The following AGBL1 variants were observed in gnomAD, a reference collection of about 807,000 sequenced individuals.
AGBL1 encodes the protein cytosolic carboxypeptidase 4.
Under a neutral mutation model 118.9 loss-of-function variants are expected in AGBL1, and 130 were observed. The observed-to-expected ratio is 1.09, with a 90% CI of 0.95 to 1.26. The LOEUF (loss-of-function observed/expected upper bound fraction) is 1.26. AGBL1 is among the 50% of genes most tolerant of loss of function. The pLI is 0.00. For missense variants in AGBL1, 1,584 were observed against 1,298.1 expected (o/e 1.22, Z -3.38); for synonymous variants, 555 against 478.9 (o/e 1.16, Z -2.08).
intron 17 of AGBL1, among the ~76,000 whole-genome samples, chr15:86,368,464 A>T (rs1344685922): frequency 1.3e-5 from 2 of 152,246 alleles, no homozygotes; most frequent in Non-Finnish European, 2.9e-5. Context: ...AAGTTACTAC[A>T]TTTAGGATGC....
intron 5 of AGBL1, among the ~76,000 whole-genome samples, chr15:86,196,879 G>GCACACACACACACACA (rs59632011): frequency 1.7e-5 from 2 of 116,962 alleles, no homozygotes; most frequent in African/African-American, 3.6e-5. Context: ...GCGCGCGCGC[G>GCACACACACACACACA]CACACACACA....
intron 22 of AGBL1, among the ~76,000 whole-genome samples, chr15:86,732,946 GAA>G (rs2077545397): frequency 6.7e-6 from 1 of 149,030 alleles, no homozygotes; most frequent in South Asian, 2.1e-4. Context: ...TATATAGAGA[GAA>G]ATATATACAC....
intron 22 of AGBL1, among the ~76,000 whole-genome samples, chr15:86,824,671 T>C (rs1301798598): frequency 2.0e-5 from 3 of 152,102 alleles, no homozygotes; most frequent in African/African-American, 7.2e-5. Flanking sequence ...TCACTCTACC[T>C]GACACTTGAG....
chr15:86,162,089 A>ATC (rs2077274526), intron 5 of AGBL1, among the ~76,000 whole-genome samples: 2 of 152,194 alleles, frequency 1.3e-5, no homozygotes, highest in African/African-American at 4.8e-5. Flanking sequence ...GCCAATTTCC[A>ATC]TCTTTCACAA....
intron 21 of AGBL1, among the ~76,000 whole-genome samples, chr15:86,661,322 A>G (rs530384077): frequency 1.1e-4 from 17 of 152,018 alleles, no homozygotes; most frequent in Admixed American, 4.6e-4. Flanking sequence ...AATAAAGGCA[A>G]TTTTTAGACT....
intron 14 of AGBL1, among the ~76,000 whole-genome samples, chr15:86,270,959 A>G (rs1277848612): frequency 6.6e-6 from 1 of 150,816 alleles, no homozygotes; most frequent in Non-Finnish European, 1.5e-5. Context: ...CATTCTCTGC[A>G]TTCCTTGGCT....
At position 86,467,147 on chromosome 15, in the gene AGBL1, C is replaced by T. The variant is rs551790634; in HGVS notation, c.2556-55663C>T. ...TTTAAGCCCTTGACTGGGGCTGCTG[C>T]CTTTCTTTCAGAGAGGCCCTGCCCC... On this transcript the variant is annotated intron_variant, in intron 18 of 22. Transcript: ENST00000614907. Among the ~76,000 whole-genome samples, 225 of 152,340 alleles carry T rather than the reference C, an allele frequency of 1.5e-3. 5 individuals carry two copies. The South Asian group carries it at 0.044, about 30-fold the overall frequency.
chr15:86,252,647 C>T lies in AGBL1; in HGVS notation c.736-4206C>T, dbSNP rs2078834979. Among the ~76,000 whole-genome samples the T allele has an allele frequency of 2.0e-5, 3 of 152,128 alleles. No individual in the cohort carries two copies. The South Asian group carries it at 6.2e-4, about 32-fold the overall frequency. ...ACCAGAGAAGCCTCCATGAAGGCAC[C>T]CACATTTGAATGAGGCTAGGAGAGC... On this transcript the variant is annotated intron_variant, in intron 7 of 22. Transcript: ENST00000614907.
intron 6 of AGBL1, among the ~76,000 whole-genome samples, chr15:86,238,196 G>A (rs912416953): frequency 6.6e-6 from 1 of 152,124 alleles, no homozygotes; most frequent in African/African-American, 2.4e-5. Context: ...TTCTTTGTGT[G>A]TGCCTATTTG....
At chr15:86,151,510 T>C (rs954966626) in intron 3 of AGBL1, among the ~76,000 whole-genome samples, 2 of 152,104 alleles carry the variant, frequency 1.3e-5, no homozygotes, top group Non-Finnish European at 2.9e-5. Context: ...AAACTAGGTA[T>C]TGATGGAACA....
intron 19 of AGBL1, among the ~76,000 whole-genome samples, chr15:86,535,163 A>G (rs1486707780): frequency 6.6e-6 from 1 of 152,242 alleles, no homozygotes; most frequent in African/African-American, 2.4e-5. Context: ...CCCAGGAAAG[A>G]GCAGAAAGGT....
At chr15:86,778,260 A>G (rs770773665) in intron 22 of AGBL1, among the ~76,000 whole-genome samples, 1 of 152,196 alleles carries the variant, frequency 6.6e-6, no homozygotes, top group African/African-American at 2.4e-5. Flanking sequence ...TCACAGGACC[A>G]TGGGACTGGG....
downstream of AGBL1, among the ~76,000 whole-genome samples, chr15:87,030,192 C>T (rs1458906282): frequency 6.6e-6 from 1 of 151,860 alleles, no homozygotes; most frequent in East Asian, 1.9e-4. Flanking sequence ...ACACCCATGA[C>T]ATTTTAGCAC....
chr15:86,144,234 T>C (rs2077003027), intron 3 of AGBL1, among the ~76,000 whole-genome samples: 1 of 152,186 alleles, frequency 6.6e-6, no homozygotes, highest in Non-Finnish European at 1.5e-5. Context: ...ATAAGTTAGT[T>C]CCACCATTGT....
chr15:86,822,858 TATA>T (rs1158577042), intron 22 of AGBL1, among the ~76,000 whole-genome samples: 2 of 151,068 alleles, frequency 1.3e-5, no homozygotes, highest in African/African-American at 2.4e-5. Context: ...TTACAGTAAG[TATA>T]ATAACATCAG....
chr15:86,949,975 A>G (rs952860252), intron 23 of AGBL1, among the ~76,000 whole-genome samples: 3 of 152,094 alleles, frequency 2.0e-5, no homozygotes, highest in Admixed American at 6.5e-5. Context: ...AGTGGAATCA[A>G]GCTATAAATC....
At chr15:86,283,695 G>A (rs2079392978) in intron 16 of AGBL1, among the ~76,000 whole-genome samples, 1 of 152,134 alleles carries the variant, frequency 6.6e-6, no homozygotes, top group African/African-American at 2.4e-5. Context: ...CAAGTAATCA[G>A]TAGACAGAGA....
At chr15:86,390,861 G>T (rs1486346361) in intron 17 of AGBL1, among the ~76,000 whole-genome samples, 4 of 151,464 alleles carry the variant, frequency 2.6e-5, no homozygotes, top group Non-Finnish European at 4.4e-5. Context: ...GTAGGGATGG[G>T]GTTTTGCCAT....
intron 24 of AGBL1, among the ~76,000 whole-genome samples, chr15:86,993,390 A>G (rs551777030): frequency 6.6e-6 from 1 of 152,308 alleles, no homozygotes; most frequent in South Asian, 2.1e-4. Flanking sequence ...TATCTCCCAC[A>G]TGGCTGATAT....
Sources: allele counts gnomAD v4.1 joint callset (sites outside exome capture counted in the v4.1 genomes callset), GRCh38; gene constraint gnomAD v4.1.1; transcripts MANE v1.5; gene names NCBI Gene and HGNC (gene_info 2026-07-23, HGNC 2026-07-21).